The following HERC1 variants were observed in gnomAD, a reference collection of about 807,000 sequenced individuals.
HERC1 encodes HECT and RLD domain containing E3 ubiquitin protein ligase family member 1, also known as probable E3 ubiquitin-protein ligase HERC1.
In HERC1, 160 loss-of-function variants were observed where a neutral mutation model predicts 554.3. The observed-to-expected ratio is 0.29, with a 90% CI of 0.25 to 0.33. The LOEUF (loss-of-function observed/expected upper bound fraction) is 0.33. Ranked by LOEUF, HERC1 falls within the 10% of genes least tolerant of loss-of-function variation. The probability of loss-of-function intolerance (pLI) is 1.00; values close to 1 mark genes in which losing one functional copy is unlikely to be tolerated. For synonymous variants in HERC1, 2,175 were observed against 2,131.7 expected (o/e 1.02, Z -0.56); for missense variants, 4,919 against 5,918.5 (o/e 0.83, Z 5.54).
At chr15:63,621,434 CTTCAT>C (rs1251879828) in intron 74 of HERC1, among the ~76,000 whole-genome samples, 1 of 152,062 alleles carries the variant, frequency 6.6e-6, no homozygotes, top group Non-Finnish European at 1.5e-5. Context: ...ACATTTTTTC[CTTCAT>C]TTCAACTTTG....
chr15:63,642,672 G>C (rs2069128629), intron 59 of HERC1, among the ~76,000 whole-genome samples: 2 of 152,062 alleles, frequency 1.3e-5, no homozygotes, highest in Non-Finnish European at 2.9e-5. Context: ...CAAAAATCAT[G>C]GCAGAAAGTC....
At position 63,686,288 on chromosome 15, in the gene HERC1, T is replaced by C. The variant is rs538860400; in HGVS notation, c.6225+71A>G. The C allele has an allele frequency of 1.9e-4, 221 of 1,141,114 alleles. 1 individual carries two copies. Among genetic ancestry groups the C allele is most frequent in the Middle Eastern group, 2.9e-4 (1 of 3,434 alleles). 70.7% of individuals were successfully genotyped at this position (1,141,114 alleles called of 1,614,324 possible). On this transcript the variant is annotated intron_variant, in intron 34 of 77. Transcript: ENST00000443617. ...GATTTTTTTTCAGTCTTTCTACACA[T>C]TTATTATAAGAACCTGGAAAAAAAA... is the stretch of plus-strand genomic sequence containing the variant.
chr15:63,787,432 C>T (rs1047442496), intron 1 of HERC1, among the ~76,000 whole-genome samples: 1 of 152,102 alleles, frequency 6.6e-6, no homozygotes, highest in African/African-American at 2.4e-5. Flanking sequence ...GCTGGAATTT[C>T]AGGCATGAGC....
At chr15:63,757,755 G>C (rs936985028) in intron 4 of HERC1, among the ~76,000 whole-genome samples, 1 of 152,078 alleles carries the variant, frequency 6.6e-6, no homozygotes, top group Non-Finnish European at 1.5e-5. Context: ...TGTCACCCAG[G>C]CTGGAATGCA....
chr15:63,826,029 C>G (rs2077890292), intron 1 of HERC1, among the ~76,000 whole-genome samples: 1 of 152,116 alleles, frequency 6.6e-6, no homozygotes, highest in South Asian at 2.1e-4. Context: ...TCCCAAAGTG[C>G]TGGAACTAAC....
chr15:63,685,130 G>C (rs1412999698), intron 34 of HERC1, among the ~76,000 whole-genome samples: 1 of 152,152 alleles, frequency 6.6e-6, no homozygotes, highest in Non-Finnish European at 1.5e-5. Context: ...GACCACAGTG[G>C]GTGGCTCCAG....
At chr15:63,707,066 T>C (rs901440158) in intron 24 of HERC1, among the ~76,000 whole-genome samples, 4 of 152,228 alleles carry the variant, frequency 2.6e-5, no homozygotes, top group South Asian at 2.1e-4. Flanking sequence ...TTAATTAACA[T>C]TGCAGAGTAG....
intron 26 of HERC1, among the ~76,000 whole-genome samples, chr15:63,698,259 T>C (rs950393806): frequency 1.3e-5 from 2 of 151,768 alleles, no homozygotes; most frequent in African/African-American, 4.8e-5. Context: ...CTCCTAATAA[T>C]ACAAAAAAAT....
chr15:63,654,993 T>A (rs2069942145), intron 50 of HERC1, among the ~76,000 whole-genome samples: 2 of 152,312 alleles, frequency 1.3e-5, no homozygotes, highest in African/African-American at 4.8e-5. Flanking sequence ...AGAAAACAGT[T>A]TGGCTTTTGT....
chr15:63,715,965 C>T (rs551094913), intron 22 of HERC1, among the ~76,000 whole-genome samples: 3 of 152,240 alleles, frequency 2.0e-5, no homozygotes, highest in East Asian at 1.9e-4. Flanking sequence ...CAGACGTCTT[C>T]GAGGCTGGTG....
chr15:63,804,686 T>C (rs1436486997), intron 1 of HERC1, among the ~76,000 whole-genome samples: 1 of 151,862 alleles, frequency 6.6e-6, no homozygotes, highest in Non-Finnish European at 1.5e-5. Context: ...TGAAAGAAAC[T>C]ATTTTGTAAA....
chr15:63,647,482 A>G (rs1422922119), intron 55 of HERC1, among the ~76,000 whole-genome samples: 1 of 152,234 alleles, frequency 6.6e-6, no homozygotes, highest in Non-Finnish European at 1.5e-5. Flanking sequence ...CATTTGATCC[A>G]GCAATCCCAC....
chr15:63,635,456 G>C (rs1462292561), intron 65 of HERC1, among the ~76,000 whole-genome samples: 1 of 152,144 alleles, frequency 6.6e-6, no homozygotes, highest in Non-Finnish European at 1.5e-5. Context: ...AGTAACTACT[G>C]CTACTCTTCA....
At chr15:63,638,644 C>T (rs2068892496) in intron 62 of HERC1, 67 bp downstream of exon 62, 1 of 1,584,784 alleles carries the variant, frequency 6.3e-7, no homozygotes, top group Non-Finnish European at 8.7e-7. Flanking sequence ...AGGGCACAAA[C>T]ACACAAGCAT....
intron 2 of HERC1, among the ~76,000 whole-genome samples, chr15:63,768,148 T>G (rs2075840809): frequency 6.6e-6 from 1 of 152,260 alleles, no homozygotes; most frequent in African/African-American, 2.4e-5. Context: ...GATCTCTGAT[T>G]CTATTCGACT....
Position 63,658,565 on chromosome 15 carries a change from G to A in HERC1, c.9578C>T (p.Ala3193Val), listed in dbSNP as rs761525337. The A allele has an allele frequency of 1.1e-5, 17 of 1,612,404 alleles. No individual in the cohort carries two copies. The highest frequency in any genetic ancestry group is 2.2e-5 in the South Asian group (2 of 90,946). Residue 3193 changes from alanine to valine, a missense_variant, in exon 48 of 78, where the codon GCG (alanine) becomes GTG (valine). By Grantham distance (64) the Ala-to-Val change is moderately conservative (BLOSUM62 0). Coordinates refer to ENST00000443617, the MANE Select transcript of HERC1 (RefSeq NM_003922.4). Reference sequence around the variant, plus strand: ...TTACCTGACTGAGAGAAGAGACAGCGCTCTCATGACCATGGTTCTGGCCAG... The same window carrying A: ...TTACCTGACTGAGAGAAGAGACAGCACTCTCATGACCATGGTTCTGGCCAG... ...VLLARTMVMRALSLLSVSGSS... is the reference protein window; with the variant it reads ...VLLARTMVMRVLSLLSVSGSS...
rs924167736 is a variant in HERC1 at position 63,789,329 on chromosome 15, A to T, written c.-26-13680T>A. On this transcript the variant is annotated intron_variant, in intron 1 of 77. Transcript: ENST00000443617. ...ATGGTCTCGATCTCCTGACCTCGTG[A>T]TCCGCCCGCCTCGGCCTCCCAAAGT... 3.9e-3 allele frequency among the ~76,000 whole-genome samples: 586 copies of T among 150,670 alleles called. 4 individuals are homozygous for T. Among genetic ancestry groups the T allele is most frequent in the Non-Finnish European group, 7.1e-3 (480 of 67,552 alleles).
Position 63,725,260 on chromosome 15 carries a change from T to C in HERC1, c.3568+32A>G, listed in dbSNP as rs200067991. On this transcript the variant is annotated intron_variant, in intron 18 of 77. Transcript: ENST00000443617. ...TCTCCAACTGAGGTACAAACAGGCA[T>C]GTATTTTAAATGCTGCAGAGAAGCA... 7.6e-6 allele frequency: 12 copies of C among 1,570,834 alleles called. No individual in the cohort carries two copies. The African/African-American group carries it at 1.6e-4, about 21-fold the overall frequency.
At chr15:63,816,155 A>G (rs975440583) in intron 1 of HERC1, among the ~76,000 whole-genome samples, 5 of 152,236 alleles carry the variant, frequency 3.3e-5, no homozygotes, top group Admixed American at 6.5e-5. Flanking sequence ...TGTTATAAGG[A>G]GGAAAAAAGG....
Sources: allele counts gnomAD v4.1 joint callset (sites outside exome capture counted in the v4.1 genomes callset), GRCh38; gene constraint gnomAD v4.1.1; transcripts MANE v1.5; gene names NCBI Gene and HGNC (gene_info 2026-07-23, HGNC 2026-07-21).